PDE1A: variants seen among roughly 807,000 people sequenced by gnomAD.
PDE1A encodes phosphodiesterase 1A.
A neutral mutation model predicts 61.7 loss-of-function variants in PDE1A; 35 were observed. That is an observed-to-expected ratio of 0.57 (90% CI 0.43 to 0.75). PDE1A has a LOEUF of 0.75. Ranked by LOEUF, PDE1A falls within the 30% of genes least tolerant of loss-of-function variation. PDE1A has a pLI of 0.00. For missense variants in PDE1A, 597 were observed against 630.6 expected (o/e 0.95, Z 0.57); for synonymous variants, 232 against 213.2 (o/e 1.09, Z -0.77).
chr2:182,611,912 A>G, the PDE1A span, among the ~76,000 whole-genome samples: 26 of 152,220 alleles, frequency 1.7e-4, no homozygotes, highest in Non-Finnish European at 2.9e-5. Flanking sequence ...TTCCCAAAAC[A>G]AGAACAGCCA....
Position 182,156,486 on chromosome 2 carries a change from T to C in PDE1A, c.1517-9334A>G, listed in dbSNP as rs555178044. On this transcript the variant is annotated intron_variant, in intron 13 of 13. Coordinates refer to the PDE1A transcript ENST00000409365. ...TAAGGCTCTGACTCAAAGGGGAAAG[T>C]ATCTATTGATTGGAAAGGGCGGGAG... Among the ~76,000 whole-genome samples, 16 of 152,258 alleles carry C rather than the reference T, an allele frequency of 1.1e-4. No homozygotes were observed. In the South Asian group the frequency reaches 2.3e-3, roughly 22 times the overall value.
At chr2:182,248,915 G>A (rs533885542) in intron 2 of PDE1A, among the ~76,000 whole-genome samples, 2 of 152,230 alleles carry the variant, frequency 1.3e-5, no homozygotes, top group East Asian at 3.9e-4. Context: ...ACATTTCATG[G>A]GCTCAGGGTA....
At chr2:182,499,936 T>A (rs986658465) in intron 2 of PDE1A, among the ~76,000 whole-genome samples, 1 of 152,118 alleles carries the variant, frequency 6.6e-6, no homozygotes, top group African/African-American at 2.4e-5. Flanking sequence ...GATGGCTGTG[T>A]CTCCAGCTTT....
intron 1 of PDE1A, among the ~76,000 whole-genome samples, chr2:182,288,724 A>G (rs577989834): frequency 6.6e-6 from 1 of 152,088 alleles, no homozygotes; most frequent in Non-Finnish European, 1.5e-5. Flanking sequence ...GGAGCTGCCA[A>G]ACCTGCTTGT....
At chr2:182,648,384 A>G in the PDE1A span, among the ~76,000 whole-genome samples, 1 of 151,792 alleles carries the variant, frequency 6.6e-6, no homozygotes, top group Non-Finnish European at 1.5e-5. Flanking sequence ...TGCAGTAATA[A>G]GTCCAGGCTG....
chr2:182,671,778 C>T, the PDE1A span, among the ~76,000 whole-genome samples: 1 of 139,036 alleles, frequency 7.2e-6, no homozygotes, highest in Non-Finnish European at 1.6e-5. Flanking sequence ...TGCCACCACG[C>T]CCGGCTAATT....
chr2:182,218,634 C>T (rs1344072596), intron 7 of PDE1A, among the ~76,000 whole-genome samples: 1 of 152,064 alleles, frequency 6.6e-6, no homozygotes, highest in Non-Finnish European at 1.5e-5. Flanking sequence ...TAAGGAAGGT[C>T]CTCTCTATTC....
chr2:182,463,052 C>T (rs968067630), intron 2 of PDE1A, among the ~76,000 whole-genome samples: 15 of 151,942 alleles, frequency 9.9e-5, no homozygotes, highest in African/African-American at 3.4e-4. Flanking sequence ...ACCAGCCTGG[C>T]CAACGGGGAG....
chr2:182,143,670 T>G (rs903218885), downstream of PDE1A, among the ~76,000 whole-genome samples: 3 of 151,974 alleles, frequency 2.0e-5, no homozygotes, highest in African/African-American at 7.3e-5. Flanking sequence ...CGCCCGCCAC[T>G]ACGCCCGGCT....
intron 1 of PDE1A, among the ~76,000 whole-genome samples, chr2:182,339,770 T>A (rs947982110): frequency 1.3e-5 from 2 of 152,190 alleles, no homozygotes; most frequent in East Asian, 1.9e-4. Context: ...TAGAGCATTT[T>A]AAAAATATTA....
Position 182,238,272 on chromosome 2 carries a change from A to AAAAAAAAAAAAG in PDE1A, c.350+1837_350+1838insCTTTTTTTTTTT, listed in dbSNP as rs1690215822. 2.0e-5 allele frequency among the ~76,000 whole-genome samples: 3 copies of AAAAAAAAAAAAG among 150,910 alleles called. 1 individual carries two copies. Among genetic ancestry groups the AAAAAAAAAAAAG allele is most frequent in the Non-Finnish European group, 4.4e-5 (3 of 67,750 alleles). On this transcript the variant is annotated intron_variant, in intron 3 of 13. Coordinates refer to ENST00000351439, the Ensembl canonical transcript of PDE1A. ...TGACAGAGCCAGACTACGTCAAAAA[A>AAAAAAAAAAAAG]AAAAAAAAAAGAAAAAGAAAAAGAA...
At chr2:182,371,268 A>T (rs1370453497) in intron 1 of PDE1A, among the ~76,000 whole-genome samples, 1 of 152,230 alleles carries the variant, frequency 6.6e-6, no homozygotes, top group Non-Finnish European at 1.5e-5. Flanking sequence ...TACAGGCATT[A>T]GTTTCTATTT....
At chr2:182,381,742 G>T (rs1286763907) in intron 1 of PDE1A, among the ~76,000 whole-genome samples, 2 of 152,042 alleles carry the variant, frequency 1.3e-5, no homozygotes, top group Admixed American at 6.5e-5. Flanking sequence ...AACCCAGGAG[G>T]CAGAGGTTGC....
chr2:182,409,252 G>C (rs1183034763), intron 1 of PDE1A, among the ~76,000 whole-genome samples: 1 of 152,078 alleles, frequency 6.6e-6, no homozygotes, highest in Non-Finnish European at 1.5e-5. Flanking sequence ...TCCACTCCTA[G>C]ACTGTGAATA....
At chr2:182,324,309 C>A (rs1696904757) in intron 1 of PDE1A, among the ~76,000 whole-genome samples, 1 of 151,772 alleles carries the variant, frequency 6.6e-6, no homozygotes, top group Admixed American at 6.6e-5. Flanking sequence ...AACATCTAAT[C>A]CACTAAAATT....
At chr2:182,211,854 T>C (rs890333366) in intron 7 of PDE1A, among the ~76,000 whole-genome samples, 3 of 152,196 alleles carry the variant, frequency 2.0e-5, no homozygotes, top group Non-Finnish European at 4.4e-5. Flanking sequence ...TAACCTTGTA[T>C]TTTGCAACCC....
chr2:182,461,545 G>A (rs903411685), intron 2 of PDE1A, among the ~76,000 whole-genome samples: 3 of 152,220 alleles, frequency 2.0e-5, no homozygotes, highest in South Asian at 4.1e-4. Context: ...AGTTGAGCCA[G>A]AAACCAATAA....
chr2:182,295,956 G>C (rs1057512625), intron 1 of PDE1A, among the ~76,000 whole-genome samples: 4 of 152,066 alleles, frequency 2.6e-5, no homozygotes, highest in African/African-American at 9.7e-5. Flanking sequence ...CTAGATACTA[G>C]AAATTTACTC....
At position 182,264,878 on chromosome 2, in the gene PDE1A, C is replaced by CATATATATATATATATACATAT. The variant is rs148358464; in HGVS notation, c.54-465_54-464insATATGTATATATATATATATAT. Among the ~76,000 whole-genome samples, 2 of 106,878 alleles carry CATATATATATATATATACATAT rather than the reference C, an allele frequency of 1.9e-5. 1 individual carries two copies. Among genetic ancestry groups the CATATATATATATATATACATAT allele is most frequent in the African/African-American group, 7.4e-5 (2 of 27,056 alleles). 70.1% of individuals were successfully genotyped at this position (106,878 alleles called of 152,430 possible). A position where few individuals can be genotyped will look rare whatever the true frequency, so the allele number is the denominator to read the frequency against. ...ATAAAGAAAATGTGGTATATATATACATATATATATATATGTATATATATA... is the reference window on the plus strand; with the variant it reads ...ATAAAGAAAATGTGGTATATATATACATATATATATATATATACATATATATATATATATATGTATATATATA... On this transcript the variant is annotated intron_variant, in intron 1 of 13. Coordinates refer to ENST00000351439, the Ensembl canonical transcript of PDE1A.
Sources: allele counts gnomAD v4.1 joint callset (sites outside exome capture counted in the v4.1 genomes callset), GRCh38; gene constraint gnomAD v4.1.1; transcripts MANE v1.5; gene names NCBI Gene and HGNC (gene_info 2026-07-23, HGNC 2026-07-21).